Variants in KIDINS220 observed in about 807,000 individuals in gnomAD.
KIDINS220 encodes kinase D-interacting substrate of 220 kDa.
Under a neutral mutation model 157.6 loss-of-function variants are expected in KIDINS220, and 63 were observed. That is an observed-to-expected ratio of 0.40 (90% CI 0.33 to 0.49). The LOEUF (loss-of-function observed/expected upper bound fraction) is 0.49. Among genes scored for constraint, KIDINS220 ranks in the 20% least tolerant of loss-of-function variants. The probability of loss-of-function intolerance (pLI) is 0.66; values close to 1 mark genes in which losing one functional copy is unlikely to be tolerated. For synonymous variants in KIDINS220, 732 were observed against 783.6 expected, an observed-to-expected ratio of 0.93 and a Z score of 1.10; for missense variants, 1,772 against 2,171.2, an observed-to-expected ratio of 0.82 and a Z score of 3.65.
At chr2:8,818,941 C>A (rs1290072449) in intron 2 of KIDINS220, 148 bp from the exon 3 acceptor site, 2 of 426,804 alleles carry the variant, frequency 4.7e-6, no homozygotes, top group East Asian at 7.2e-5. Flanking sequence ...CAGCTTTGAA[C>A]TTTAAGTTTC....
chr2:8,730,431 G>T lies in KIDINS220; in HGVS notation c.*289C>A, dbSNP rs1663880471. The T allele has an allele frequency of 9.0e-6, 11 of 1,221,154 alleles. No homozygotes were observed. The highest frequency in any genetic ancestry group is 1.1e-5 in the Non-Finnish European group (11 of 981,106). The allele number at this position is 1,221,154 out of a possible 1,614,324, so 75.6% of individuals were successfully genotyped here. On this transcript the variant is annotated 3_prime_UTR_variant, in exon 30 of 30. Coordinates refer to ENST00000256707, the MANE Select transcript of KIDINS220 (RefSeq NM_020738.4). Reference sequence around the variant, plus strand: ...TACTTCTGACCTATCTTTATACTCAGATCTCACCTCGTCTCAAAAAGTTTT... The same window carrying T: ...TACTTCTGACCTATCTTTATACTCATATCTCACCTCGTCTCAAAAAGTTTT...
At chr2:8,808,425 T>C (rs913503951) in intron 6 of KIDINS220, among the ~76,000 whole-genome samples, 1 of 152,210 alleles carries the variant, frequency 6.6e-6, no homozygotes, top group African/African-American at 2.4e-5. Flanking sequence ...AACTGAACTA[T>C]CCACGATTAT....
chr2:8,833,874 T>C (rs1426365086), intron 1 of KIDINS220, among the ~76,000 whole-genome samples: 2 of 152,208 alleles, frequency 1.3e-5, no homozygotes, highest in African/African-American at 4.8e-5. Flanking sequence ...AATCTCTAAA[T>C]GTATTCAAAA....
intron 26 of KIDINS220, 82 bp downstream of exon 26, chr2:8,747,063 C>G: frequency 8.1e-7 from 1 of 1,240,102 alleles, no homozygotes; most frequent in Admixed American, 1.7e-5. Context: ...TAGTGAGCTG[C>G]TATCATCACA....
At chr2:8,723,545 T>C (rs1407640309), downstream of KIDINS220, 1 of 152,198 alleles carries the variant, frequency 6.6e-6, no homozygotes, top group Non-Finnish European at 1.5e-5. Context: ...ATGTATAAAA[T>C]ATTCCATATG....
intron 6 of KIDINS220, among the ~76,000 whole-genome samples, chr2:8,807,170 C>T (rs1675566987): frequency 6.6e-6 from 1 of 152,164 alleles, no homozygotes; most frequent in South Asian, 2.1e-4. Context: ...GCAAAGGTCA[C>T]AAAGCTATCA....
rs193171669 is a variant in KIDINS220 at position 8,780,735 on chromosome 2, G to A, written c.2230-921C>T. Among the ~76,000 whole-genome samples the A allele has an allele frequency of 1.9e-3, 283 of 150,718 alleles. 2 individuals carry two copies. The highest frequency in any genetic ancestry group is 3.3e-3 in the Non-Finnish European group (225 of 67,814). On this transcript the variant is annotated intron_variant, in intron 17 of 29. Transcript: ENST00000256707. ...CTTGGATTAGTTATAAATGCATATT[G>A]CAAACCCTAGGGCAACCACTCAAAA...
intron 17 of KIDINS220, among the ~76,000 whole-genome samples, chr2:8,783,678 G>A (rs962868343): frequency 1.3e-5 from 2 of 151,956 alleles, no homozygotes; most frequent in East Asian, 3.9e-4. Flanking sequence ...ATATATCAGC[G>A]TCAAACATGA....
chr2:8,816,955 C>T (rs1255717399), intron 4 of KIDINS220, among the ~76,000 whole-genome samples: 2 of 152,238 alleles, frequency 1.3e-5, no homozygotes, highest in East Asian at 3.9e-4. Flanking sequence ...AAACTCAGAC[C>T]GTCTGTACTT....
chr2:8,768,708 C>T (rs1669790421), intron 22 of KIDINS220, among the ~76,000 whole-genome samples: 1 of 152,076 alleles, frequency 6.6e-6, no homozygotes, highest in Admixed American at 6.6e-5. Flanking sequence ...GTAAATAAAA[C>T]TTTCTCTTAT....
At chr2:8,761,264 G>C (rs748016384) in intron 22 of KIDINS220, among the ~76,000 whole-genome samples, 1 of 152,104 alleles carries the variant, frequency 6.6e-6, no homozygotes, top group South Asian at 2.1e-4. Context: ...CTGAATGACA[G>C]GCATAGAGAA....
At chr2:8,727,341 CACCTTCCCTTTT>C (rs1410603185), downstream of KIDINS220, 1 of 865,952 alleles carries the variant, frequency 1.2e-6, no homozygotes, top group Non-Finnish European at 1.4e-6. Context: ...TAACTTATGG[CACCTTCCCTTTT>C]ACCCACGTAT....
chr2:8,724,086 G>T (rs1358214732), downstream of KIDINS220: 1 of 152,086 alleles, frequency 6.6e-6, no homozygotes, highest in Non-Finnish European at 1.5e-5. This position sits in a 1 kb window ranked among gnomAD's most constrained non-coding sequence, Gnocchi z 4.6. Flanking sequence ...CCTGGCTTAG[G>T]TCCCTAAGAG....
In KIDINS220 at chr2:8,737,196, C is replaced by G. The variant is rs114402230; in HGVS notation, c.3586-197G>C. The G allele has an allele frequency of 4.4e-3, 2,185 of 496,680 alleles. 46 individuals are homozygous for G. The highest frequency in any genetic ancestry group is 0.037 in the African/African-American group (1,942 of 52,078). The allele number at this position is 496,680 out of a possible 1,614,324, so 30.8% of individuals were successfully genotyped here. On this transcript the variant is annotated intron_variant, in intron 26 of 29. Coordinates refer to ENST00000256707, the MANE Select transcript of KIDINS220 (RefSeq NM_020738.4). ...ATAACCTAATGAGTAGCTTTTATTA[C>G]AGCTGATACAGCCTGGTCAAAACCA...
chr2:8,742,730 C>T lies in KIDINS220; in HGVS notation c.3585+4415G>A, dbSNP rs867529258. Among the ~76,000 whole-genome samples the T allele has an allele frequency of 6.8e-4, 103 of 152,304 alleles. 1 individual carries two copies. In the Middle Eastern group the frequency reaches 0.017, roughly 25 times the overall value. On this transcript the variant is annotated intron_variant, in intron 26 of 29. Transcript: ENST00000256707. ...TCCCTCGGTGGCCTTCAGGTCCACA[C>T]TCTGTGAAGCAAGATTTTCATCAGT...
intron 27 of KIDINS220, 128 bp downstream of exon 27, chr2:8,736,740 T>G: frequency 9.9e-7 from 1 of 1,014,674 alleles, no homozygotes; most frequent in Non-Finnish European, 1.4e-6. Flanking sequence ...ATGTTTTCCA[T>G]TTAGAGCTTT....
chr2:8,749,794 T>G (rs1667057030), intron 24 of KIDINS220, among the ~76,000 whole-genome samples: 1 of 152,158 alleles, frequency 6.6e-6, no homozygotes, highest in South Asian at 2.1e-4. Context: ...AATAGAACAT[T>G]TGTTTATAAA....
chr2:8,824,096 C>T (rs1678404275), intron 2 of KIDINS220, among the ~76,000 whole-genome samples: 1 of 151,928 alleles, frequency 6.6e-6, no homozygotes, highest in Non-Finnish European at 1.5e-5. Context: ...CAGTCATTTA[C>T]TCATAAATAA....
intron 2 of KIDINS220, among the ~76,000 whole-genome samples, chr2:8,821,330 G>A (rs965602392): frequency 6.6e-6 from 1 of 151,776 alleles, no homozygotes; most frequent in Non-Finnish European, 1.5e-5. Flanking sequence ...TGTTGCGGGT[G>A]GCAATGAGCT....
Sources: gnomAD v4.1 joint callset for allele counts (sites outside exome capture counted in the v4.1 genomes callset) on GRCh38, gnomAD v4.1.1 for gene constraint, Gnocchi (gnomAD v3.1) non-coding constraint, MANE v1.5 for transcripts, NCBI Gene and HGNC (gene_info 2026-07-23, HGNC 2026-07-21) for gene names.